FAM171B: variants seen among roughly 807,000 people sequenced by gnomAD.
FAM171B encodes the protein protein FAM171B.
In FAM171B, 19 loss-of-function variants were observed where a neutral mutation model predicts 75.6. That is an observed-to-expected ratio of 0.25 (90% CI 0.18 to 0.37). FAM171B has a LOEUF of 0.37. Ranked by LOEUF, FAM171B falls within the 10% of genes least tolerant of loss-of-function variation. The pLI is 1.00. For synonymous variants in FAM171B, 367 were observed against 361.7 expected, an observed-to-expected ratio of 1.01 and a Z score of -0.17; for missense variants, 848 against 982.4, an observed-to-expected ratio of 0.86 and a Z score of 1.83.
chr2:186,752,895 G>A lies in FAM171B; in HGVS notation c.896-1038G>A, dbSNP rs551602114. Among the ~76,000 whole-genome samples, 4 of 152,186 alleles carry A rather than the reference G, an allele frequency of 2.6e-5. No individual in the cohort carries two copies. The East Asian group carries it at 7.7e-4, about 29-fold the overall frequency. The stretch of plus-strand genomic sequence containing the variant: ...AAATAAAACTTCATAAAAGGTACAG[G>A]TTTTACTGAATTCTTTTTTCTTTTG... On this transcript the variant is annotated intron_variant, in intron 5 of 7. Coordinates refer to ENST00000304698, the MANE Select transcript of FAM171B (RefSeq NM_177454.4).
Position 186,747,134 on chromosome 2 carries a change from T to A in FAM171B, c.608T>A (p.Ile203Asn). 6.2e-7 allele frequency: 1 copy of A among 1,605,508 alleles called. No homozygotes were observed. The highest frequency in any genetic ancestry group is 8.5e-7 in the Non-Finnish European group (1 of 1,176,838). ...QPSVQFSKAL[I>N]KLPDNHHISN... ...AGTGTTCAGTTTTCAAAAGCCTTAA[T>A]TAAACTTCCTGACAACCATCATATT... Residue 203 changes from isoleucine to asparagine, a missense_variant, in exon 4 of 8, where the codon ATT becomes AAT. Ile to Asn is a moderately radical substitution (Grantham distance 149). Around this residue, in one of 3 missense-constraint regions of FAM171B, gnomAD observed 665 missense variants for 729.0 expected, o/e 0.91. Transcript: ENST00000304698.
chr2:186,745,602 T>TA (rs1199010648), intron 3 of FAM171B, among the ~76,000 whole-genome samples: 1 of 152,222 alleles, frequency 6.6e-6, no homozygotes, highest in Admixed American at 6.5e-5. Context: ...AATCTTTCTG[T>TA]AAAAAATACA....
At chr2:186,731,691 C>T (rs141043286) in intron 1 of FAM171B, among the ~76,000 whole-genome samples, 22 of 152,262 alleles carry the variant, frequency 1.4e-4, no homozygotes, top group South Asian at 2.1e-4. Context: ...TGAGACCTAT[C>T]GGGAACTGGG....
intron 1 of FAM171B, among the ~76,000 whole-genome samples, chr2:186,709,715 C>T (rs756517123): frequency 2.6e-5 from 4 of 152,128 alleles, no homozygotes; most frequent in Non-Finnish European, 4.4e-5. Context: ...TGGCCATTTC[C>T]CCTAATGTAT....
At chr2:186,756,788 A>G (rs1324984223) in intron 6 of FAM171B, among the ~76,000 whole-genome samples, 1 of 152,158 alleles carries the variant, frequency 6.6e-6, no homozygotes, top group African/African-American at 2.4e-5. Context: ...CAGTTTACCC[A>G]TACCATCTGA....
At chr2:186,713,528 T>G (rs534152838) in intron 1 of FAM171B, among the ~76,000 whole-genome samples, 1 of 152,332 alleles carries the variant, frequency 6.6e-6, no homozygotes, top group African/African-American at 2.4e-5. Flanking sequence ...ATTTCATTGA[T>G]TTATATACTA....
intron 3 of FAM171B, among the ~76,000 whole-genome samples, chr2:186,745,931 G>T (rs1478601785): frequency 6.6e-6 from 1 of 152,116 alleles, no homozygotes; most frequent in East Asian, 1.9e-4. Flanking sequence ...TGTTTTCCAG[G>T]TATTATTTTT....
At chr2:186,701,349 T>C (rs907918999) in intron 1 of FAM171B, among the ~76,000 whole-genome samples, 1 of 152,236 alleles carries the variant, frequency 6.6e-6, no homozygotes, top group Non-Finnish European at 1.5e-5. Context: ...TTACCTTTTT[T>C]GGTGTGGTAA....
At chr2:186,742,188 T>A (rs956479918) in intron 2 of FAM171B, among the ~76,000 whole-genome samples, 3 of 152,180 alleles carry the variant, frequency 2.0e-5, no homozygotes, top group Non-Finnish European at 4.4e-5. Flanking sequence ...TCTTATTTTC[T>A]GTGTTCAAGT....
Position 186,730,602 on chromosome 2 carries a change from A to G in FAM171B, c.239-9626A>G, listed in dbSNP as rs76165938. Among the ~76,000 whole-genome samples the G allele has an allele frequency of 4.9e-4, 75 of 152,308 alleles. 1 individual carries two copies. The East Asian group carries it at 0.013, about 27-fold the overall frequency. ...ATCAGAGAGGGAGATTATGATTTGGATCATCAAGACTTGACCTTTGCAAAT... is the reference window on the plus strand; with the variant it reads ...ATCAGAGAGGGAGATTATGATTTGGGTCATCAAGACTTGACCTTTGCAAAT... On this transcript the variant is annotated intron_variant, in intron 1 of 7. Coordinates refer to ENST00000304698, the MANE Select transcript of FAM171B (RefSeq NM_177454.4).
chr2:186,740,061 T>C (rs1220548210), intron 1 of FAM171B, among the ~76,000 whole-genome samples, 167 bp from the exon 2 acceptor site: 1 of 152,226 alleles, frequency 6.6e-6, no homozygotes, highest in African/African-American at 2.4e-5. Flanking sequence ...ATTTATTTCG[T>C]TTTACAAAGA....
intron 5 of FAM171B, among the ~76,000 whole-genome samples, chr2:186,751,704 T>C (rs1309570218): frequency 2.0e-5 from 3 of 152,170 alleles, no homozygotes; most frequent in South Asian, 2.1e-4. Flanking sequence ...TATTAAGAGA[T>C]AGAAAAAGTA....
intron 1 of FAM171B, among the ~76,000 whole-genome samples, chr2:186,703,772 C>T (rs530593336): frequency 5.3e-5 from 8 of 151,210 alleles, no homozygotes; most frequent in African/African-American, 1.9e-4. Context: ...TGTTCTTTGA[C>T]ATTTGCATGA....
At chr2:186,710,032 A>G (rs903831964) in intron 1 of FAM171B, among the ~76,000 whole-genome samples, 5 of 152,222 alleles carry the variant, frequency 3.3e-5, no homozygotes, top group African/African-American at 1.2e-4. Context: ...AGCAGAAGAA[A>G]GGGCATCACA....
At chr2:186,751,006 G>A (rs2105789747) in intron 4 of FAM171B, 128 bp from the exon 5 acceptor site, 2 of 626,392 alleles carry the variant, frequency 3.2e-6, no homozygotes, top group African/African-American at 1.8e-5. Flanking sequence ...TGTGTATTCA[G>A]TATCTATTTG....
intron 6 of FAM171B, among the ~76,000 whole-genome samples, chr2:186,759,708 T>C (rs1690586702): frequency 6.6e-6 from 1 of 152,032 alleles, no homozygotes; most frequent in African/African-American, 2.4e-5. Flanking sequence ...TCCTCTGGAG[T>C]TGAGTTCCTT....
At chr2:186,741,456 T>C (rs961828279) in intron 2 of FAM171B, among the ~76,000 whole-genome samples, 4 of 152,206 alleles carry the variant, frequency 2.6e-5, no homozygotes, top group Admixed American at 2.0e-4. Context: ...GTCCTTAATA[T>C]GTAAAGAATT....
In FAM171B at chr2:186,751,194, G is replaced by T; in HGVS notation, c.785G>T (p.Gly262Val). ...ATATGTGTGAAAATATATTCTGGAG[G>T]AAAAGAACTAAAGGTCAATGGCTCT... The part of the protein sequence containing the change: ...AAICVKIYSG[G>V]KELKVNGSIQ... The change falls in exon 5 of 8, where the codon GGA becomes GTA. Residue 262 changes from glycine to valine, a missense_variant. Around this residue, in one of 3 missense-constraint regions of FAM171B, gnomAD observed 665 missense variants for 729.0 expected, o/e 0.91. Transcript: ENST00000304698. 1 of 1,611,280 alleles carries T rather than the reference G, an allele frequency of 6.2e-7. No individual in the cohort carries two copies. The highest frequency in any genetic ancestry group is 2.2e-5 in the East Asian group (1 of 44,804).
chr2:186,701,844 C>T (rs1376362731), intron 1 of FAM171B, among the ~76,000 whole-genome samples: 2 of 152,110 alleles, frequency 1.3e-5, no homozygotes, highest in African/African-American at 4.8e-5. Flanking sequence ...AAGCTCTTCC[C>T]CCAAGTATAT....
Sources: gnomAD v4.1 joint callset for allele counts (sites outside exome capture counted in the v4.1 genomes callset) on GRCh38, gnomAD v4.1.1 for gene constraint, gnomAD v4.1.1 regional missense constraint, MANE v1.5 for transcripts, NCBI Gene and HGNC (gene_info 2026-07-23, HGNC 2026-07-21) for gene names.